Variants in FAT3 observed in about 807,000 individuals in gnomAD.
FAT3 encodes the protein protocadherin Fat 3.
A neutral mutation model predicts 310.2 loss-of-function variants in FAT3; 95 were observed. The ratio of observed to expected loss-of-function variants is 0.31; its 90% CI spans 0.26 to 0.36. The LOEUF (loss-of-function observed/expected upper bound fraction) is 0.36. FAT3 is among the 10% of genes least tolerant of loss of function. The probability of loss-of-function intolerance (pLI) is 1.00; values close to 1 mark genes in which losing one functional copy is unlikely to be tolerated. For synonymous variants in FAT3, 2,314 were observed against 2,192.9 expected, an observed-to-expected ratio of 1.06 and a Z score of -1.54; for missense variants, 5,408 against 5,715.6, an observed-to-expected ratio of 0.95 and a Z score of 1.74.
At chr11:92,730,703 C>A (rs1945149533) in intron 4 of FAT3, among the ~76,000 whole-genome samples, 1 of 152,148 alleles carries the variant, frequency 6.6e-6, no homozygotes, top group Non-Finnish European at 1.5e-5. Flanking sequence ...GTTTTCAAAC[C>A]TGTTTATTAA....
At chr11:92,694,492 G>T (rs1345820118) in intron 3 of FAT3, among the ~76,000 whole-genome samples, 1 of 152,170 alleles carries the variant, frequency 6.6e-6, no homozygotes, top group African/African-American at 2.4e-5. Context: ...CCAGGTGAAG[G>T]TATGAAGGTG....
chr11:92,845,639 G>A (rs780791922), intron 19 of FAT3, among the ~76,000 whole-genome samples: 30 of 152,106 alleles, frequency 2.0e-4, no homozygotes, highest in Non-Finnish European at 3.5e-4. Flanking sequence ...CTTTTCCTCC[G>A]TCTGACATGT....
chr11:92,600,420 A>G (rs1163063028), intron 3 of FAT3, among the ~76,000 whole-genome samples: 1 of 152,210 alleles, frequency 6.6e-6, no homozygotes, highest in Non-Finnish European at 1.5e-5. Context: ...ATGAAAAAGG[A>G]CAAGTATGTT....
At chr11:92,593,828 C>T (rs1016713251) in intron 3 of FAT3, among the ~76,000 whole-genome samples, 3 of 152,062 alleles carry the variant, frequency 2.0e-5, no homozygotes, top group African/African-American at 7.2e-5. Context: ...CTGGCTAGGC[C>T]AGGAAAGTCT....
At chr11:92,859,717 T>C (rs1949074667) in intron 21 of FAT3, among the ~76,000 whole-genome samples, 1 of 152,222 alleles carries the variant, frequency 6.6e-6, no homozygotes, top group Non-Finnish European at 1.5e-5. Context: ...ATTTCTGTTC[T>C]TGCTCAGGGA....
At chr11:92,460,207 A>G (rs561090728) in intron 2 of FAT3, among the ~76,000 whole-genome samples, 1 of 152,336 alleles carries the variant, frequency 6.6e-6, no homozygotes, top group African/African-American at 2.4e-5. Flanking sequence ...AAGCATAAAT[A>G]TTGAATCCAC....
chr11:92,836,591 A>C lies in FAT3; in HGVS notation c.10112A>C (p.Gln3371Pro). 1 of 1,613,812 alleles carries C rather than the reference A, an allele frequency of 6.2e-7. No individual in the cohort carries two copies. Among genetic ancestry groups the C allele is most frequent in the Non-Finnish European group, 8.5e-7 (1 of 1,179,810 alleles). ...CTAATAGCAGAAGATGTAGACAGCC[A>C]GCCCAACGGACAGATTCATTTTTCC... ...ILLIAEDVDSQPNGQIHFSIV... is the reference protein window; with the variant it reads ...ILLIAEDVDSPPNGQIHFSIV... The change falls in exon 16 of 28, where the codon CAG (glutamine) becomes CCG (proline). Residue 3371 changes from glutamine to proline, a missense_variant. By Grantham distance (76) the Gln-to-Pro change is moderately conservative. Transcript: ENST00000525166.
intron 2 of FAT3, chr11:92,499,073 T>C (rs1326140416): frequency 6.6e-6 from 1 of 152,102 alleles, no homozygotes; most frequent in South Asian, 2.1e-4. Context: ...GTATCATTCA[T>C]TTAGCAAGCA....
At chr11:92,820,319 A>G (rs142460570) in intron 13 of FAT3, among the ~76,000 whole-genome samples, 1 of 152,078 alleles carries the variant, frequency 6.6e-6, no homozygotes, top group Non-Finnish European at 1.5e-5. Flanking sequence ...ACCTGGATGT[A>G]GAGAGATCTG....
At position 92,458,655 on chromosome 11, in the gene FAT3, T is replaced by C. The variant is rs148171934; in HGVS notation, c.3293-65979T>C. Among the ~76,000 whole-genome samples, 226 of 152,314 alleles carry C rather than the reference T, an allele frequency of 1.5e-3. 1 individual carries two copies. The highest frequency in any genetic ancestry group is 3.4e-3 in the Middle Eastern group (1 of 294). On this transcript the variant is annotated intron_variant, in intron 2 of 27. Transcript: ENST00000525166. ...CCATGGTGGTGTGGAGCATTGTGAC[T>C]GTTTTAGAGATAAATGGCTTTTCAC...
intron 1 of FAT3, among the ~76,000 whole-genome samples, chr11:92,284,863 A>G (rs1946519581): frequency 1.3e-5 from 2 of 152,158 alleles, no homozygotes; most frequent in Admixed American, 1.3e-4. Flanking sequence ...AAGATCCTCT[A>G]TAAATATCTT....
chr11:92,329,302 T>C (rs1947846256), intron 1 of FAT3, among the ~76,000 whole-genome samples: 1 of 151,448 alleles, frequency 6.6e-6, no homozygotes, highest in Admixed American at 6.6e-5. Flanking sequence ...CCGAGATGAG[T>C]GAGTGTTTGC....
chr11:92,564,953 A>G (rs551019755), intron 3 of FAT3, among the ~76,000 whole-genome samples: 17 of 143,430 alleles, frequency 1.2e-4, no homozygotes, highest in African/African-American at 4.3e-4. Context: ...CAAAATTGAC[A>G]CCCTAACATC....
chr11:92,478,212 G>A lies in FAT3; in HGVS notation c.3293-46422G>A, dbSNP rs769385403. 1.4e-4 allele frequency among the ~76,000 whole-genome samples: 21 copies of A among 152,294 alleles called. No homozygotes were observed. In the South Asian group the frequency reaches 3.1e-3, roughly 23 times the overall value. On this transcript the variant is annotated intron_variant, in intron 2 of 27. Coordinates refer to ENST00000525166, the MANE Select transcript of FAT3 (RefSeq NM_001367949.2). ...AAGAAACTGTCTTCAGCTGGTAACC[G>A]AATTCATCACCTTGCCCCTCTTGTA...
intron 1 of FAT3, among the ~76,000 whole-genome samples, chr11:92,347,515 A>G (rs1241826277): frequency 1.6e-4 from 25 of 152,198 alleles, no homozygotes; most frequent in Admixed American, 1.6e-3. Context: ...GGCAGAAAAC[A>G]GCTTTATCAG....
chr11:92,804,636 G>A (rs573943141), intron 10 of FAT3, among the ~76,000 whole-genome samples: 10 of 152,212 alleles, frequency 6.6e-5, no homozygotes, highest in South Asian at 2.1e-4. Context: ...CTCCTCTGTC[G>A]TGAAAACTTT....
Position 92,742,513 on chromosome 11 carries a change from A to G in FAT3, c.3670-19343A>G, listed in dbSNP as rs1021222911. On this transcript the variant is annotated intron_variant, in intron 4 of 27. Coordinates refer to ENST00000525166, the MANE Select transcript of FAT3 (RefSeq NM_001367949.2). Reference sequence around the variant, plus strand: ...GTCCGCCAAAGTTTATGTGTTGGAAACAATCCCCAATGCAACCATGTCGGA... The same window carrying G: ...GTCCGCCAAAGTTTATGTGTTGGAAGCAATCCCCAATGCAACCATGTCGGA... 4.6e-5 allele frequency among the ~76,000 whole-genome samples: 7 copies of G among 152,318 alleles called. No homozygotes were observed. The South Asian group carries it at 8.3e-4, about 18-fold the overall frequency.
intron 7 of FAT3, among the ~76,000 whole-genome samples, chr11:92,784,665 G>A (rs563550854): frequency 6.6e-6 from 1 of 152,288 alleles, no homozygotes; most frequent in East Asian, 1.9e-4. Context: ...ACATCTTTGA[G>A]AGTTACTTTG....
At chr11:92,300,007 C>G (rs561948208) in intron 1 of FAT3, among the ~76,000 whole-genome samples, 201 of 152,250 alleles carry the variant, frequency 1.3e-3, no homozygotes, top group African/African-American at 4.3e-3. Flanking sequence ...ACATTATTAA[C>G]TAAATCTCTG....
Sources: allele counts gnomAD v4.1 joint callset (sites outside exome capture counted in the v4.1 genomes callset), GRCh38; gene constraint gnomAD v4.1.1; transcripts MANE v1.5; gene names NCBI Gene and HGNC (gene_info 2026-07-23, HGNC 2026-07-21).